The following LAMC1 variants were observed in gnomAD, a reference collection of about 807,000 sequenced individuals.
LAMC1 encodes laminin subunit gamma-1.
Under a neutral mutation model 173.6 loss-of-function variants are expected in LAMC1, and 38 were observed. That is an observed-to-expected ratio of 0.22 (90% CI 0.17 to 0.29). The LOEUF (loss-of-function observed/expected upper bound fraction) is 0.29. Ranked by LOEUF, LAMC1 falls within the 10% of genes least tolerant of loss-of-function variation. The probability of loss-of-function intolerance (pLI) is 1.00; values close to 1 mark genes in which losing one functional copy is unlikely to be tolerated. For synonymous variants in LAMC1, 746 were observed against 749.1 expected (o/e 1.00, Z 0.07); for missense variants, 1,824 against 2,051.8 (o/e 0.89, Z 2.14).
intron 1 of LAMC1, among the ~76,000 whole-genome samples, chr1:183,102,880 C>T (rs1376732732): frequency 6.6e-6 from 1 of 152,072 alleles, no homozygotes; most frequent in Non-Finnish European, 1.5e-5. Context: ...TCAAGAGTAA[C>T]GTTACAGTTA....
Position 183,120,488 on chromosome 1 carries a change from C to T in LAMC1, c.1991-1235C>T, listed in dbSNP as rs1656441241. 3.3e-5 allele frequency among the ~76,000 whole-genome samples: 5 copies of T among 152,282 alleles called. No individual in the cohort carries two copies. In the South Asian group the frequency reaches 1.0e-3, roughly 32 times the overall value. ...TTAGGGTAGTAATGGAGGTGTCCTT[C>T]AGCCTTAGGTGGTTAATTTTCAAAT... On this transcript the variant is annotated intron_variant, in intron 11 of 27. Transcript: ENST00000258341.
At chr1:183,091,180 C>T (rs1178953540) in intron 1 of LAMC1, among the ~76,000 whole-genome samples, 1 of 151,930 alleles carries the variant, frequency 6.6e-6, no homozygotes, top group Admixed American at 6.5e-5. Flanking sequence ...AAACAGTATG[C>T]CCTGCAGAAG....
chr1:183,054,927 T>C lies in LAMC1; in HGVS notation c.418+30793T>C, dbSNP rs544753132. Among the ~76,000 whole-genome samples the C allele has an allele frequency of 9.2e-5, 14 of 151,870 alleles. No homozygotes were observed. The South Asian group carries it at 2.9e-3, about 32-fold the overall frequency. ...TATCAGGATTCCTTGTTCTTGGTGC[T>C]CTATTGTGTTGCCTTTTCTTCTGCC... On this transcript the variant is annotated intron_variant, in intron 1 of 27. Coordinates refer to ENST00000258341, the MANE Select transcript of LAMC1 (RefSeq NM_002293.4).
chr1:183,072,811 G>C (rs375829779), intron 1 of LAMC1, among the ~76,000 whole-genome samples: 1 of 152,208 alleles, frequency 6.6e-6, no homozygotes, highest in Non-Finnish European at 1.5e-5. Context: ...CATGAACCCT[G>C]TTGTGAAATG....
intron 11 of LAMC1, among the ~76,000 whole-genome samples, chr1:183,121,408 G>A (rs765940790): frequency 2.0e-5 from 3 of 151,956 alleles, no homozygotes; most frequent in Admixed American, 6.6e-5. Context: ...CCTGGGAGAC[G>A]GAGTGAGACT....
Position 183,127,415 on chromosome 1 carries a change from A to G in LAMC1, c.3123+11A>G, listed in dbSNP as rs1656650834. The G allele has an allele frequency of 1.2e-6, 2 of 1,612,848 alleles. No individual in the cohort carries two copies. Among genetic ancestry groups the G allele is most frequent in the Non-Finnish European group, 1.7e-6 (2 of 1,179,050 alleles). The stretch of plus-strand genomic sequence containing the variant: ...CTGGTAAAGGATAAGGTAAGCTGTC[A>G]ATAGTGCATTCATTCATTCATCCAG... On this transcript the variant is annotated intron_variant, in intron 17 of 27. Transcript: ENST00000258341.
Position 183,028,445 on chromosome 1 carries a change from TAAATC to T in LAMC1, c.418+4314_418+4318del, listed in dbSNP as rs571841434. ...CACACTCATAATGGCATTACAATAA[TAAATC>T]AAGGGTGTCTATATAATATTTTACA... On this transcript the variant is annotated intron_variant, in intron 1 of 27. Transcript: ENST00000258341. 4.5e-3 allele frequency among the ~76,000 whole-genome samples: 691 copies of T among 152,314 alleles called. 8 individuals are homozygous for T. The highest frequency in any genetic ancestry group is 0.016 in the African/African-American group (656 of 41,562).
intron 1 of LAMC1, among the ~76,000 whole-genome samples, chr1:183,058,588 C>T (rs559617636): frequency 5.3e-5 from 8 of 152,264 alleles, no homozygotes; most frequent in South Asian, 2.1e-4. Context: ...TTCTTATACA[C>T]GGTTCCCATT....
At chr1:183,086,666 A>G (rs764370601) in intron 1 of LAMC1, among the ~76,000 whole-genome samples, 10 of 152,206 alleles carry the variant, frequency 6.6e-5, no homozygotes, top group African/African-American at 1.4e-4. Flanking sequence ...CTTACCTTCT[A>G]TTATTCATTG....
chr1:183,116,870 A>C lies in LAMC1; in HGVS notation c.1531A>C (p.Ser511Arg). 6.2e-7 allele frequency: 1 copy of C among 1,614,152 alleles called. No individual in the cohort carries two copies. The highest frequency in any genetic ancestry group is 8.5e-7 in the Non-Finnish European group (1 of 1,180,008). The change falls in exon 8 of 28, where the codon AGT becomes CGT. Residue 511 changes from serine (S) to arginine (R), a missense_variant. Ser to Arg is a moderately radical substitution (Grantham distance 110, BLOSUM62 -1). Transcript: ENST00000258341. ...TGTCTGTACAAACGCTGTTGGCTAC[A>C]GTGTTTATTCTATCTCCTCTACCTT... is the stretch of plus-strand genomic sequence containing the variant. ...SSVCTNAVGY[S>R]VYSISSTFQI...
Position 183,135,085 on chromosome 1 carries a change from T to G in LAMC1, c.4043T>G (p.Leu1348Arg), listed in dbSNP as rs772118408. The G allele has an allele frequency of 6.2e-7, 1 of 1,614,112 alleles. No individual in the cohort carries two copies. The highest frequency in any genetic ancestry group is 1.1e-5 in the South Asian group (1 of 91,078). Residue 1348 changes from leucine to arginine, a missense_variant, in exon 24 of 28, where the codon CTC becomes CGC. Transcript: ENST00000258341. ...GCCCGAGCTGATGCTGCCAAGGCCC[T>G]CGCTGAAGAAGCTGCAAAGAAGGGA... ...LLARADAAKA[L>R]AEEAAKKGRD...
intron 5 of LAMC1, 76 bp from the exon 6 acceptor site, chr1:183,115,444 A>G (rs1182703811): frequency 1.8e-5 from 17 of 932,236 alleles, no homozygotes; most frequent in Non-Finnish European, 1.9e-5. Flanking sequence ...ATTACCAGTT[A>G]TCTTTCTTTA....
chr1:183,112,659 T>G (rs1309002971), intron 4 of LAMC1, among the ~76,000 whole-genome samples: 2 of 152,166 alleles, frequency 1.3e-5, no homozygotes, highest in Admixed American at 6.5e-5. Flanking sequence ...AGTGGTGTTA[T>G]TCTGCTTTAC....
At chr1:183,117,131 A>G (rs1656345028) in intron 8 of LAMC1, 189 bp from the exon 9 acceptor site, 1 of 682,454 alleles carries the variant, frequency 1.5e-6, no homozygotes, top group Admixed American at 3.3e-5. Context: ...ATAAATAGTA[A>G]TAAAGTAAAA....
intron 1 of LAMC1, among the ~76,000 whole-genome samples, chr1:183,075,068 T>C (rs934414757): frequency 1.3e-5 from 2 of 151,848 alleles, no homozygotes; most frequent in African/African-American, 4.8e-5. Flanking sequence ...AAATTATAGA[T>C]ACATTTGAGC....
intron 1 of LAMC1, among the ~76,000 whole-genome samples, chr1:183,076,979 G>A (rs558359373): frequency 4.6e-5 from 7 of 152,298 alleles, no homozygotes; most frequent in Non-Finnish European, 1.0e-4. Flanking sequence ...GATTTTAGTT[G>A]TTACCTAGTG....
intron 1 of LAMC1, among the ~76,000 whole-genome samples, chr1:183,093,993 CT>C (rs2102061683): frequency 6.6e-6 from 1 of 152,296 alleles, no homozygotes; most frequent in Admixed American, 6.5e-5. Context: ...CCTGTTACTC[CT>C]TTGTATAAAA....
rs541773482 is a variant in LAMC1, at chr1:183,091,359, G to A, written c.419-11969G>A. ...CAACCCTGCCCTTGTAGCCAGAAAA[G>A]CAGCGATAAACAGTGTAAAGCATTG... On this transcript the variant is annotated intron_variant, in intron 1 of 27. Transcript: ENST00000258341. 5.3e-5 allele frequency among the ~76,000 whole-genome samples: 8 copies of A among 152,248 alleles called. 1 individual carries two copies. The highest frequency in any genetic ancestry group is 1.9e-4 in the African/African-American group (8 of 41,540).
Position 183,080,253 on chromosome 1 carries a change from AT to A in LAMC1, c.419-23067del, listed in dbSNP as rs1295408646. Among the ~76,000 whole-genome samples the A allele has an allele frequency of 1.8e-3, 275 of 152,226 alleles. 3 individuals are homozygous for A. The highest frequency in any genetic ancestry group is 6.3e-3 in the African/African-American group (262 of 41,532). ...AGACTCTGTCTTAAAAGAAAAAAAA[AT>A]TTTTTTTGCTTTTTAAAAATTGTAC... On this transcript the variant is annotated intron_variant, in intron 1 of 27. Coordinates refer to ENST00000258341, the MANE Select transcript of LAMC1 (RefSeq NM_002293.4).
Sources: allele counts gnomAD v4.1 joint callset (sites outside exome capture counted in the v4.1 genomes callset), GRCh38; gene constraint gnomAD v4.1.1; transcripts MANE v1.5; gene names NCBI Gene and HGNC (gene_info 2026-07-23, HGNC 2026-07-21).